The following WDR19 variants were observed in gnomAD, a reference collection of about 807,000 sequenced individuals.
WDR19 encodes the protein WD repeat-containing protein 19.
WDR19 carries 121 observed loss-of-function variants against 180.0 expected under a neutral mutation model. The observed-to-expected ratio is 0.67, with a 90% CI of 0.58 to 0.78. The LOEUF is 0.78. Among genes scored for constraint, WDR19 ranks in the 30% least tolerant of loss-of-function variants. WDR19 has a pLI of 0.00. For synonymous variants in WDR19, 497 were observed against 540.7 expected (o/e 0.92, Z 1.12); for missense variants, 1,450 against 1,640.7 (o/e 0.88, Z 2.01).
At chr4:39,238,062 CT>C (rs1364485236) in intron 20 of WDR19, 1 of 152,196 alleles carries the variant, frequency 6.6e-6, no homozygotes, top group Non-Finnish European at 1.5e-5. Flanking sequence ...ATTCTCAAAG[CT>C]TTCACTGATA....
At chr4:39,240,170 C>T in intron 20 of WDR19, 107 bp from the exon 21 acceptor site, 1 of 487,374 alleles carries the variant, frequency 2.1e-6, no homozygotes. Flanking sequence ...GAGTGAGACC[C>T]TGTCTCTAAA....
chr4:39,274,232 T>C (rs1220196393), intron 32 of WDR19: 1 of 152,824 alleles, frequency 6.5e-6, no homozygotes, highest in African/African-American at 2.4e-5. Flanking sequence ...CCACATTCTC[T>C]AAGTGTATTT....
chr4:39,271,443 C>T lies in WDR19; in HGVS notation c.3483+1343C>T, dbSNP rs118147124. ...ATGAGGCTGGGCATGGTGGCTCACACGTGTAATCCCAGTACTTTGGGAGGA... is the reference window on the plus strand; with the variant it reads ...ATGAGGCTGGGCATGGTGGCTCACATGTGTAATCCCAGTACTTTGGGAGGA... On this transcript the variant is annotated intron_variant, in intron 31 of 36. Coordinates refer to ENST00000399820, the MANE Select transcript of WDR19 (RefSeq NM_025132.4). 6.8e-4 allele frequency among the ~76,000 whole-genome samples: 103 copies of T among 152,188 alleles called. No homozygotes were observed. In the East Asian group the frequency reaches 0.019, roughly 28 times the overall value.
chr4:39,185,236 T>A (rs183451945), intron 1 of WDR19, among the ~76,000 whole-genome samples: 1 of 152,340 alleles, frequency 6.6e-6, no homozygotes, highest in East Asian at 1.9e-4. Flanking sequence ...AGTTAAACAC[T>A]TAATGATGAT....
At chr4:39,232,099 T>TAAAAA in intron 18 of WDR19, 63 bp from the exon 19 acceptor site, 2 of 1,299,624 alleles carry the variant, frequency 1.5e-6, no homozygotes, top group African/African-American at 1.5e-5. Context: ...TCAAAGTCCT[T>TAAAAA]AAAAAAAAAA....
intron 12 of WDR19, among the ~76,000 whole-genome samples, chr4:39,216,801 A>T (rs753266723): frequency 1.3e-4 from 20 of 152,144 alleles, no homozygotes; most frequent in Non-Finnish European, 2.4e-4. Context: ...AATAGAACAA[A>T]CCTGAAAATT....
At chr4:39,259,931 A>G (rs191857886) in intron 28 of WDR19, among the ~76,000 whole-genome samples, 41 of 152,310 alleles carry the variant, frequency 2.7e-4, no homozygotes, top group African/African-American at 9.6e-4. Context: ...CAACTCTTGC[A>G]TAAATGCTTT....
At chr4:39,203,474 A>G (rs1230458445) in intron 6 of WDR19, among the ~76,000 whole-genome samples, 168 bp from the exon 7 acceptor site, 1 of 152,100 alleles carries the variant, frequency 6.6e-6, no homozygotes. Context: ...ATTTAATAAG[A>G]TATATTTTCT....
chr4:39,230,186 A>G, intron 17 of WDR19, among the ~76,000 whole-genome samples: 1 of 152,118 alleles, frequency 6.6e-6, no homozygotes, highest in Admixed American at 6.5e-5. Context: ...ATGATTTAAC[A>G]CCAGCTCAAC....
chr4:39,255,673 C>T (rs200574624), intron 26 of WDR19, among the ~76,000 whole-genome samples, 175 bp from the exon 27 acceptor site: 2 of 152,106 alleles, frequency 1.3e-5, no homozygotes, highest in East Asian at 1.9e-4. Context: ...AACAGAGTTA[C>T]TATTTGGAGT....
At chr4:39,213,073 T>C (rs1728712633) in intron 9 of WDR19, among the ~76,000 whole-genome samples, 1 of 152,114 alleles carries the variant, frequency 6.6e-6, no homozygotes, top group South Asian at 2.1e-4. Context: ...AAATGAAAAA[T>C]AGTGATAACA....
intron 21 of WDR19, among the ~76,000 whole-genome samples, chr4:39,243,767 A>G (rs868627954): frequency 2.0e-5 from 3 of 152,250 alleles, no homozygotes; most frequent in African/African-American, 7.2e-5. Flanking sequence ...ATCTGACATT[A>G]CATCTTACTA....
chr4:39,209,848 A>T (rs977119588), intron 9 of WDR19, among the ~76,000 whole-genome samples: 2 of 152,210 alleles, frequency 1.3e-5, no homozygotes, highest in Non-Finnish European at 1.5e-5. Context: ...AAACAGGAGT[A>T]TCCATCTGAA....
chr4:39,202,308 A>G (rs1727449144), intron 6 of WDR19, among the ~76,000 whole-genome samples: 2 of 152,036 alleles, frequency 1.3e-5, no homozygotes, highest in African/African-American at 4.8e-5. Context: ...TTTTATTTTA[A>G]TGACGCCTCG....
chr4:39,203,625 T>C lies in WDR19; in HGVS notation c.523-17T>C. ...ATATTGGGTTTGTTCATAGTGATGATGTTTTTACTCCTTTAGACACAAGTG... is the reference window on the plus strand; with the variant it reads ...ATATTGGGTTTGTTCATAGTGATGACGTTTTTACTCCTTTAGACACAAGTG... On this transcript the variant is annotated splice_polypyrimidine_tract_variant and intron_variant, in intron 6 of 36. Transcript: ENST00000399820. 1 of 1,601,988 alleles carries C rather than the reference T, an allele frequency of 6.2e-7. No homozygotes were observed. The highest frequency in any genetic ancestry group is 8.5e-7 in the Non-Finnish European group (1 of 1,172,106).
chr4:39,206,281 CT>C (rs1203865630), intron 9 of WDR19, among the ~76,000 whole-genome samples: 3 of 152,154 alleles, frequency 2.0e-5, no homozygotes, highest in Non-Finnish European at 4.4e-5. Context: ...CCCTGGTTTT[CT>C]TTTTCTTTTT....
chr4:39,186,727 G>GT, intron 3 of WDR19, 123 bp downstream of exon 3: 2 of 653,892 alleles, frequency 3.1e-6, no homozygotes, highest in Non-Finnish European at 4.9e-6. Context: ...AAAGGGATTT[G>GT]TTTTTTTAGC....
chr4:39,260,844 C>A (rs1734216095), intron 28 of WDR19, among the ~76,000 whole-genome samples: 1 of 152,176 alleles, frequency 6.6e-6, no homozygotes, highest in South Asian at 2.1e-4. Flanking sequence ...AGAGAGATTT[C>A]TCTCCCTTCC....
chr4:39,238,600 T>C (rs957998228), intron 20 of WDR19, among the ~76,000 whole-genome samples: 2 of 152,182 alleles, frequency 1.3e-5, no homozygotes, highest in African/African-American at 4.8e-5. Flanking sequence ...AGGTCCATAC[T>C]GGTAATTTCC....
Sources: gnomAD v4.1 joint callset for allele counts (sites outside exome capture counted in the v4.1 genomes callset) on GRCh38, gnomAD v4.1.1 for gene constraint, MANE v1.5 for transcripts, NCBI Gene and HGNC (gene_info 2026-07-23, HGNC 2026-07-21) for gene names.